FMO3: variants seen among roughly 807,000 people sequenced by gnomAD.
The protein encoded by FMO3 is flavin-containing monooxygenase 3.
In FMO3, 40 loss-of-function variants were observed where a neutral mutation model predicts 39.4. That is an observed-to-expected ratio of 1.02 (90% CI 0.79 to 1.32). The LOEUF is 1.32. Ranked by LOEUF, FMO3 falls within the 40% of genes most tolerant of loss-of-function variation. The pLI is 0.00. For missense variants in FMO3, 680 were observed against 651.8 expected (o/e 1.04, Z -0.47); for synonymous variants, 219 against 228.8 (o/e 0.96, Z 0.39).
At chr1:171,098,237 T>G (rs1655195481) in intron 2 of FMO3, among the ~76,000 whole-genome samples, 1 of 152,206 alleles carries the variant, frequency 6.6e-6, no homozygotes, top group Non-Finnish European at 1.5e-5. Flanking sequence ...TGCCTCCAGC[T>G]TTATTCTTTT....
rs1655036778 is a variant in FMO3, at chr1:171,096,246, CATATT to C, written c.132+3461_132+3465del. ...AATACATAAAATATATTATTTCATA[CATATT>C]ATATAATTTTATATATATAAATATT... On this transcript the variant is annotated intron_variant, in intron 2 of 8. Transcript: ENST00000367755. Among the ~76,000 whole-genome samples the C allele has an allele frequency of 8.2e-4, 65 of 79,108 alleles. 2 individuals are homozygous for C. The South Asian group carries it at 0.032, about 39-fold the overall frequency. The allele number at this position is 79,108 out of a possible 152,430, so 51.9% of individuals were successfully genotyped here. A position where few individuals can be genotyped will look rare whatever the true frequency, so the allele number is the denominator to read the frequency against.
At chr1:171,091,928 TATAC>T (rs1040426692) in intron 1 of FMO3, among the ~76,000 whole-genome samples, 1 of 152,086 alleles carries the variant, frequency 6.6e-6, no homozygotes, top group African/African-American at 2.4e-5. Context: ...TGTGTGTGTG[TATAC>T]ATATACATAT....
chr1:171,112,591 C>T (rs1328788110), intron 6 of FMO3, among the ~76,000 whole-genome samples: 7 of 152,042 alleles, frequency 4.6e-5, no homozygotes, highest in East Asian at 3.8e-4. Flanking sequence ...ATGACATTGA[C>T]GTTTACTAAA....
At chr1:171,101,426 G>A (rs565957535) in intron 2 of FMO3, among the ~76,000 whole-genome samples, 16 of 152,306 alleles carry the variant, frequency 1.1e-4, no homozygotes, top group African/African-American at 3.8e-4. Flanking sequence ...GTGTTTCTCA[G>A]ATCACTAGAA....
At chr1:171,100,907 G>A (rs988032492) in intron 2 of FMO3, 1 of 282,906 alleles carries the variant, frequency 3.5e-6, no homozygotes, top group African/African-American at 2.2e-5. Context: ...ATCTTAAGAT[G>A]GAGAGATTTT....
chr1:171,092,288 C>CG (rs1301808923), intron 1 of FMO3, among the ~76,000 whole-genome samples: 2 of 152,088 alleles, frequency 1.3e-5, no homozygotes, highest in Non-Finnish European at 2.9e-5. Context: ...GGTACAATCA[C>CG]GGCTCACTGC....
intron 2 of FMO3, 81 bp from the exon 3 acceptor site, chr1:171,103,702 CTG>C: frequency 8.8e-7 from 1 of 1,140,360 alleles, no homozygotes; most frequent in Non-Finnish European, 1.3e-6. Context: ...CAAGGGATGA[CTG>C]TAATTACTTG....
chr1:171,095,692 A>G lies in FMO3; in HGVS notation c.132+2902A>G, dbSNP rs536357481. ...TTGCAGACTGCAAAAAACTCTTGAA[A>G]CCACCCAGCATCTTTTCTTAAAAAT... On this transcript the variant is annotated intron_variant, in intron 2 of 8. Transcript: ENST00000367755. Among the ~76,000 whole-genome samples, 7 of 144,176 alleles carry G rather than the reference A, an allele frequency of 4.9e-5. No homozygotes were observed. The East Asian group carries it at 1.2e-3, about 24-fold the overall frequency. 94.6% of individuals were successfully genotyped at this position (144,176 alleles called of 152,430 possible).
chr1:171,092,863 G>C (rs780249233), intron 2 of FMO3, 73 bp downstream of exon 2: 1 of 1,509,476 alleles, frequency 6.6e-7, no homozygotes, highest in Non-Finnish European at 9.2e-7. Flanking sequence ...TGTGCACACA[G>C]GTTTCCAAAC....
intron 1 of FMO3, among the ~76,000 whole-genome samples, 154 bp from the exon 2 acceptor site, chr1:171,092,498 TG>T (rs1208499652): frequency 6.6e-6 from 1 of 152,236 alleles, no homozygotes; most frequent in East Asian, 1.9e-4. Flanking sequence ...CCCAAAGTGC[TG>T]GGATTACAGG....
intron 2 of FMO3, among the ~76,000 whole-genome samples, chr1:171,095,633 G>A (rs923218483): frequency 6.7e-6 from 1 of 149,540 alleles, no homozygotes; most frequent in Non-Finnish European, 1.5e-5. Flanking sequence ...ATATTATAAA[G>A]ACATGAGATA....
At chr1:171,098,271 C>A (rs1484655087) in intron 2 of FMO3, among the ~76,000 whole-genome samples, 9 of 152,180 alleles carry the variant, frequency 5.9e-5, no homozygotes, top group Admixed American at 5.2e-4. Context: ...CTTGGCAATG[C>A]GGGCTCTTTT....
chr1:171,095,156 G>A (rs1397312634), intron 2 of FMO3, among the ~76,000 whole-genome samples: 2 of 152,100 alleles, frequency 1.3e-5, no homozygotes, highest in Non-Finnish European at 2.9e-5. Context: ...TGGGTTCCTA[G>A]ATAATTTTTC....
intron 3 of FMO3, among the ~76,000 whole-genome samples, chr1:171,106,370 C>T (rs749661293): frequency 1.8e-4 from 28 of 152,068 alleles, no homozygotes; most frequent in Non-Finnish European, 3.8e-4. Context: ...AAACTCCCAA[C>T]GTCAGGTGAT....
chr1:171,095,919 T>TAAA (rs1297708997), intron 2 of FMO3, among the ~76,000 whole-genome samples: 2 of 95,820 alleles, frequency 2.1e-5, no homozygotes, highest in Admixed American at 1.7e-4. Context: ...TAAATATATA[T>TAAA]TTATATAATT....
chr1:171,114,202 T>C lies in FMO3; in HGVS notation c.1023T>C (p.Ser341=). 6.2e-7 allele frequency: 1 copy of C among 1,613,840 alleles called. No homozygotes were observed. Among genetic ancestry groups the C allele is most frequent in the Non-Finnish European group, 8.5e-7 (1 of 1,179,758 alleles). The change falls in exon 7 of 9, where the codon TCT becomes TCC. Residue 341 remains serine (S), a synonymous_variant. Transcript: ENST00000367755. The part of the protein sequence containing the change: ...YSFAYPFLDE[S]IIKSRNNEII... Reference sequence around the variant, plus strand: ...TTGCCTACCCCTTCCTTGATGAGTCTATCATCAAAAGCAGAAACAATGAGA... The same window carrying C: ...TTGCCTACCCCTTCCTTGATGAGTCCATCATCAAAAGCAGAAACAATGAGA...
At chr1:171,100,571 T>C (rs1655333616) in intron 2 of FMO3, 1 of 152,726 alleles carries the variant, frequency 6.5e-6, no homozygotes, top group Non-Finnish European at 1.5e-5. Flanking sequence ...CTCATCCTGG[T>C]CCATATCCAG....
chr1:171,093,185 A>G (rs955257602), intron 2 of FMO3, among the ~76,000 whole-genome samples: 3 of 151,714 alleles, frequency 2.0e-5, no homozygotes, highest in African/African-American at 7.3e-5. Flanking sequence ...GATATAATGT[A>G]TAGCAGTTAA....
At chr1:171,095,403 C>A (rs749329911) in intron 2 of FMO3, among the ~76,000 whole-genome samples, 4 of 152,058 alleles carry the variant, frequency 2.6e-5, no homozygotes, top group Non-Finnish European at 5.9e-5. Flanking sequence ...AGGAATGGGG[C>A]TTCCCTATGT....
Sources: gnomAD v4.1 joint callset for allele counts (sites outside exome capture counted in the v4.1 genomes callset) on GRCh38, gnomAD v4.1.1 for gene constraint, MANE v1.5 for transcripts, NCBI Gene and HGNC (gene_info 2026-07-23, HGNC 2026-07-21) for gene names.